Variants in IL15RA observed in about 807,000 individuals in gnomAD.
IL15RA encodes the protein interleukin-15 receptor subunit alpha.
In IL15RA, 26 loss-of-function variants were observed where a neutral mutation model predicts 24.2. That is an observed-to-expected ratio of 1.07 (90% CI 0.79 to 1.49). The LOEUF is 1.49. Ranked by LOEUF, IL15RA falls within the 40% of genes most tolerant of loss-of-function variation. IL15RA has a pLI of 0.00. For missense variants in IL15RA, 354 were observed against 356.4 expected, an observed-to-expected ratio of 0.99 and a Z score of 0.05; for synonymous variants, 166 against 157.6, an observed-to-expected ratio of 1.05 and a Z score of -0.40.
chr10:5,977,316 C>A (rs8177631), intron 1 of IL15RA, 89 bp downstream of exon 1: 2 of 577,618 alleles, frequency 3.5e-6, no homozygotes. Flanking sequence ...CCGCACGGCC[C>A]GGGGAGATGG....
intron 5 of IL15RA, 132 bp from the exon 6 acceptor site, chr10:5,956,586 T>G (rs997497428): frequency 1.4e-6 from 1 of 690,090 alleles, no homozygotes; most frequent in Non-Finnish European, 2.6e-6. Flanking sequence ...AGGACATTTC[T>G]TAAGGTCCAT....
chr10:5,976,417 C>T (rs898829546), intron 1 of IL15RA, among the ~76,000 whole-genome samples: 1 of 152,208 alleles, frequency 6.6e-6, no homozygotes, highest in Non-Finnish European at 1.5e-5. Flanking sequence ...ACACACAGAT[C>T]ATGGCGTTAC....
In IL15RA at chr10:5,958,447, G is replaced by A. The variant is rs1010984064; in HGVS notation, c.616+1307C>T. On this transcript the variant is annotated intron_variant, in intron 5 of 6. Transcript: ENST00000379977. The surrounding 1 kb of genome is among the most constrained non-coding windows in gnomAD (Gnocchi z 4.3). ...GTTGCCCAGGCCAGAGTGCAGTGGT[G>A]TGATCACAGCTCACTGCAACCTCTG... The A allele has an allele frequency of 1.4e-5, 4 of 295,392 alleles. No individual in the cohort carries two copies. Among genetic ancestry groups the A allele is most frequent in the African/African-American group, 4.4e-5 (2 of 45,822 alleles). The allele number at this position is 295,392 out of a possible 1,614,324, so 18.3% of individuals were successfully genotyped here.
Position 5,963,649 on chromosome 10 carries a change from C to A in IL15RA, c.382+94G>T. 1 of 663,968 alleles carries A rather than the reference C, an allele frequency of 1.5e-6. No individual in the cohort carries two copies. Among genetic ancestry groups the A allele is most frequent in the Middle Eastern group, 2.6e-4 (1 of 3,802 alleles). 41.1% of individuals were successfully genotyped at this position (663,968 alleles called of 1,614,324 possible). A position where few individuals can be genotyped will look rare whatever the true frequency, so the allele number is the denominator to read the frequency against. On this transcript the variant is annotated intron_variant, in intron 3 of 6. Coordinates refer to ENST00000379977, the MANE Select transcript of IL15RA (RefSeq NM_002189.4). The surrounding 1 kb of genome is among the most constrained non-coding windows in gnomAD (Gnocchi z 5.3). ...GCTATTGCCTAAGTCTGCAGTGGCA[C>A]ACCACAGAGGTCCGTGAGTCTGCAG... is the stretch of plus-strand genomic sequence containing the variant.
downstream of IL15RA, chr10:5,952,249 C>T (rs1167936438): frequency 6.6e-6 from 1 of 152,306 alleles, no homozygotes; most frequent in African/African-American, 2.4e-5. Context: ...TGACCGGAGC[C>T]AGCTTTAGGC....
At position 5,962,327 on chromosome 10, in the gene IL15RA, C is replaced by CA. The variant is rs1835720687; in HGVS notation, c.382+1415dup. Among the ~76,000 whole-genome samples, 1 of 152,170 alleles carries CA rather than the reference C, an allele frequency of 6.6e-6. No individual in the cohort carries two copies. The highest frequency in any genetic ancestry group is 1.5e-5 in the Non-Finnish European group (1 of 68,032). ...CACCTGTGGGCTGGGTGCAGTGGCT[C>CA]ACACCTGTAATCCCAGCACTTTGGG... On this transcript the variant is annotated intron_variant, in intron 3 of 6. Transcript: ENST00000379977. The surrounding 1 kb of genome is among the most constrained non-coding windows in gnomAD (Gnocchi z 5.2).
Position 5,976,713 on chromosome 10 carries a change from T to C in IL15RA, c.88+692A>G, listed in dbSNP as rs8177635. On this transcript the variant is annotated intron_variant, in intron 1 of 6. Coordinates refer to ENST00000379977, the MANE Select transcript of IL15RA (RefSeq NM_002189.4). ...CCGAGATCAGAGCTCCGCGACCCGC[T>C]TTCTTCTCGAATACACCAAGCGATC... 3.5e-3 allele frequency among the ~76,000 whole-genome samples: 527 copies of C among 152,202 alleles called. 4 individuals are homozygous for C. Among genetic ancestry groups the C allele is most frequent in the African/African-American group, 0.012 (484 of 41,524 alleles).
At chr10:5,956,260 C>G (rs995038708) in intron 6 of IL15RA, 119 bp downstream of exon 6, 3 of 736,374 alleles carry the variant, frequency 4.1e-6, no homozygotes, top group Non-Finnish European at 7.1e-6. Flanking sequence ...AGTGATCTGC[C>G]CGCCTTGGCC....
Position 5,953,372 on chromosome 10 carries a change from G to C in IL15RA, c.693-166C>G, listed in dbSNP as rs756765353. 1.4e-5 allele frequency: 10 copies of C among 716,730 alleles called. No homozygotes were observed. In the South Asian group the frequency reaches 1.5e-4, roughly 11 times the overall value. 44.4% of individuals were successfully genotyped at this position (716,730 alleles called of 1,614,324 possible). A position where few individuals can be genotyped will look rare whatever the true frequency, so the allele number is the denominator to read the frequency against. ...AGAGCACTTAGTCCTCAGAGATGGA[G>C]AGAACCTAGAATGCCTACCTCTACC... On this transcript the variant is annotated intron_variant, in intron 6 of 6. Coordinates refer to ENST00000379977, the MANE Select transcript of IL15RA (RefSeq NM_002189.4). The surrounding 1 kb of genome is among the most constrained non-coding windows in gnomAD (Gnocchi z 5.3).
chr10:5,949,516 G>A (rs577729170), downstream of IL15RA, among the ~76,000 whole-genome samples: 2 of 152,262 alleles, frequency 1.3e-5, no homozygotes, highest in South Asian at 2.1e-4. This position sits in a 1 kb window ranked among gnomAD's most constrained non-coding sequence, Gnocchi z 4.4. Context: ...AGACAAACCC[G>A]CAGTACTCGG....
chr10:5,949,179 C>G (rs1241842487), downstream of IL15RA: 1 of 470,510 alleles, frequency 2.1e-6, no homozygotes. The surrounding 1 kb of genome is among the most constrained non-coding windows in gnomAD (Gnocchi z 4.4). Context: ...TAGACATCTC[C>G]CACGCCAGGA....
rs2132284566 is a variant in IL15RA, at chr10:5,955,801, G to A, written c.692+578C>T. ...CATGAGGGTATCACAAGAAGAATGGGTAGGACTGCACGCGTTGGCCACCTG... is the reference window on the plus strand; with the variant it reads ...CATGAGGGTATCACAAGAAGAATGGATAGGACTGCACGCGTTGGCCACCTG... On this transcript the variant is annotated intron_variant, in intron 6 of 6. Coordinates refer to ENST00000379977, the MANE Select transcript of IL15RA (RefSeq NM_002189.4). The surrounding 1 kb of genome is among the most constrained non-coding windows in gnomAD (Gnocchi z 5.3). Among the ~76,000 whole-genome samples, 1 of 152,318 alleles carries A rather than the reference G, an allele frequency of 6.6e-6. No homozygotes were observed. The highest frequency in any genetic ancestry group is 2.1e-4 in the South Asian group (1 of 4,826).
chr10:5,978,561 A>G (rs560720537), upstream of IL15RA, among the ~76,000 whole-genome samples: 2 of 152,200 alleles, frequency 1.3e-5, no homozygotes, highest in Non-Finnish European at 2.9e-5. The surrounding 1 kb of genome is among the most constrained non-coding windows in gnomAD (Gnocchi z 5.2). Flanking sequence ...GTTTACCTTT[A>G]TAACAAACCT....
rs539603915 is a variant in IL15RA at position 5,953,599 on chromosome 10, C to T, written c.693-393G>A. 6.6e-6 allele frequency among the ~76,000 whole-genome samples: 1 copy of T among 152,178 alleles called. No homozygotes were observed. The highest frequency in any genetic ancestry group is 6.5e-5 in the Admixed American group (1 of 15,276). ...CACCAAGTGCTGTTGGAGCAACTTA[C>T]GCCACCCTGCCATCACCCCACGCTT... On this transcript the variant is annotated intron_variant, in intron 6 of 6. Transcript: ENST00000379977. The surrounding 1 kb of genome is among the most constrained non-coding windows in gnomAD (Gnocchi z 5.3).
rs1166273581 is a variant in IL15RA, at chr10:5,960,382, A to AG, written c.567dup (p.Ser190LeufsTer51). ...GAGTGCTAACCTGGCGGCTGGTGGG[A>AG]GGCGGATGCTGTGAGTTCCCAGTTC... On this transcript the variant is annotated frameshift_variant, in exon 4 of 7. Transcript: ENST00000379977. LOFTEE classifies it high-confidence loss of function. The surrounding 1 kb of genome is among the most constrained non-coding windows in gnomAD (Gnocchi z 5.1). 6 of 1,613,834 alleles carry AG rather than the reference A, an allele frequency of 3.7e-6. No homozygotes were observed. Among genetic ancestry groups the AG allele is most frequent in the Admixed American group, 3.3e-5 (2 of 59,978 alleles).
Position 5,960,840 on chromosome 10 carries a change from G to A in IL15RA, c.383-273C>T, listed in dbSNP as rs908043560. On this transcript the variant is annotated intron_variant, in intron 3 of 6. Coordinates refer to ENST00000379977, the MANE Select transcript of IL15RA (RefSeq NM_002189.4). This position sits in a 1 kb window ranked among gnomAD's most constrained non-coding sequence, Gnocchi z 5.1. ...GTCATGCCTATAATCCCAACACTTT[G>A]GGAGGCTGAGGTGTGAGGATCACTT... Among the ~76,000 whole-genome samples the A allele has an allele frequency of 2.0e-5, 3 of 152,138 alleles. No individual in the cohort carries two copies. The highest frequency in any genetic ancestry group is 4.4e-5 in the Non-Finnish European group (3 of 68,020).
rs1836170087 is a variant in IL15RA at position 5,964,544 on chromosome 10, G to C, written c.284-703C>G. Among the ~76,000 whole-genome samples, 1 of 152,032 alleles carries C rather than the reference G, an allele frequency of 6.6e-6. No homozygotes were observed. On this transcript the variant is annotated intron_variant, in intron 2 of 6. Transcript: ENST00000379977. This position sits in a 1 kb window ranked among gnomAD's most constrained non-coding sequence, Gnocchi z 5.6. ...GGAAGCATAACAGAGGGAGTTGTGA[G>C]TGATCAGAACGTGGAAGGATCCTTT... is the stretch of plus-strand genomic sequence containing the variant.
rs1837889006 is a variant in IL15RA at position 5,973,194 on chromosome 10, G to T, written c.88+4211C>A. On this transcript the variant is annotated intron_variant, in intron 1 of 6. Transcript: ENST00000379977. This position sits in a 1 kb window ranked among gnomAD's most constrained non-coding sequence, Gnocchi z 4.5. Reference sequence around the variant, plus strand: ...AGGCCTTTTAAATAAGAACAGACTGGCAACAACTTGTTGTGCATAGTAGCA... The same window carrying T: ...AGGCCTTTTAAATAAGAACAGACTGTCAACAACTTGTTGTGCATAGTAGCA... 6.6e-6 allele frequency among the ~76,000 whole-genome samples: 1 copy of T among 152,172 alleles called. No homozygotes were observed. The highest frequency in any genetic ancestry group is 6.5e-5 in the Admixed American group (1 of 15,280).
chr10:5,977,605 C>T (rs1838672504), upstream of IL15RA: 3 of 1,259,636 alleles, frequency 2.4e-6, no homozygotes, highest in Non-Finnish European at 3.0e-6. Flanking sequence ...CATTCGCTTT[C>T]GCTTTTGCTT....
Sources: gnomAD v4.1 joint callset for allele counts (sites outside exome capture counted in the v4.1 genomes callset) on GRCh38, gnomAD v4.1.1 for gene constraint, Gnocchi (gnomAD v3.1) non-coding constraint, MANE v1.5 for transcripts, NCBI Gene and HGNC (gene_info 2026-07-23, HGNC 2026-07-21) for gene names.